LYPLA1: variants seen among roughly 807,000 people sequenced by gnomAD.
LYPLA1 encodes lysophospholipase 1.
LYPLA1 carries 17 observed loss-of-function variants against 34.0 expected under a neutral mutation model. The observed-to-expected ratio is 0.50, with a 90% CI of 0.34 to 0.75. The LOEUF is 0.75. LYPLA1 is among the 30% of genes least tolerant of loss of function. The pLI is 0.01. For synonymous variants in LYPLA1, 98 were observed against 100.8 expected (o/e 0.97, Z 0.17); for missense variants, 203 against 288.8 (o/e 0.70, Z 2.15).
chr8:54,082,294 C>G (rs1808381367), intron 2 of LYPLA1, among the ~76,000 whole-genome samples: 1 of 152,174 alleles, frequency 6.6e-6, no homozygotes, highest in Non-Finnish European at 1.5e-5. Flanking sequence ...CCACAACGCA[C>G]ACGCACATAC....
intron 8 of LYPLA1, among the ~76,000 whole-genome samples, chr8:54,049,268 C>T (rs1410782904): frequency 6.6e-6 from 1 of 152,212 alleles, no homozygotes; most frequent in Non-Finnish European, 1.5e-5. Flanking sequence ...TCTCAAGCCT[C>T]CAGACCTATC....
chr8:54,077,975 G>C (rs914142824), intron 2 of LYPLA1, among the ~76,000 whole-genome samples: 1 of 152,072 alleles, frequency 6.6e-6, no homozygotes, highest in South Asian at 2.1e-4. Context: ...TTTTGAGACA[G>C]AGTCTTACTC....
rs1212877615 is a variant in LYPLA1 at position 54,062,288 on chromosome 8, C to T, written c.252G>A (p.Glu84=). 1 of 1,607,040 alleles carries T rather than the reference C, an allele frequency of 6.2e-7. No homozygotes were observed. The highest frequency in any genetic ancestry group is 1.1e-5 in the South Asian group (1 of 89,856). The change falls in exon 5 of 9, where the codon GAG becomes GAA. Residue 84 remains glutamate, a synonymous_variant. Coordinates refer to ENST00000316963, the MANE Select transcript of LYPLA1 (RefSeq NM_006330.4). ...DIIGLSPDSQ[E]DESGIKQAAE... ...CTGCCTGTTTAATCCCAGATTCATC[C>T]TCCTGTGAATCTGGTGAAAGCCCAA...
intron 5 of LYPLA1, 122 bp downstream of exon 5, chr8:54,062,132 A>T: frequency 1.5e-6 from 1 of 652,284 alleles, no homozygotes; most frequent in Non-Finnish European, 2.6e-6. Flanking sequence ...TACTGGGATT[A>T]CAGGCGTGAG....
downstream of LYPLA1, chr8:54,045,738 A>G (rs186702626): frequency 6.6e-6 from 1 of 152,356 alleles, no homozygotes; most frequent in Admixed American, 6.5e-5. Flanking sequence ...GACTTATGAC[A>G]CTAATTTAAA....
At chr8:54,062,489 CTATT>C (rs200422693) in intron 4 of LYPLA1, among the ~76,000 whole-genome samples, 165 bp from the exon 5 acceptor site, 1,727 of 148,992 alleles carry the variant, frequency 0.012, 13 homozygotes, top group African/African-American at 0.027. Flanking sequence ...CGAAGTCTCA[CTATT>C]TATTTATTTA....
intron 2 of LYPLA1, among the ~76,000 whole-genome samples, chr8:54,071,957 G>A (rs949115315): frequency 6.6e-6 from 1 of 152,138 alleles, no homozygotes; most frequent in African/African-American, 2.4e-5. Context: ...AACAAAGCTG[G>A]AGGCATCATG....
At chr8:54,043,865 A>G (rs1191295708), downstream of LYPLA1, among the ~76,000 whole-genome samples, 3 of 151,864 alleles carry the variant, frequency 2.0e-5, no homozygotes, top group East Asian at 5.8e-4. Flanking sequence ...CCGGCCTCAA[A>G]TCTGCATTTT....
At chr8:54,065,435 G>A (rs1016404414) in intron 3 of LYPLA1, among the ~76,000 whole-genome samples, 3 of 149,734 alleles carry the variant, frequency 2.0e-5, no homozygotes, top group Non-Finnish European at 4.4e-5. Context: ...TCCAGCCTGG[G>A]TGGCAGAGTG....
At chr8:54,073,479 T>C in intron 2 of LYPLA1, 3 of 758,704 alleles carry the variant, frequency 4.0e-6, no homozygotes, top group Non-Finnish European at 7.4e-6. Flanking sequence ...GTATGGCATC[T>C]CATAGCTTCC....
chr8:54,101,853 A>C lies in LYPLA1; in HGVS notation c.-30T>G, dbSNP rs1175194133. The C allele has an allele frequency of 8.1e-6, 10 of 1,230,054 alleles. No individual in the cohort carries two copies. Among genetic ancestry groups the C allele is most frequent in the Non-Finnish European group, 8.2e-6 (8 of 973,922 alleles). The allele number at this position is 1,230,054 out of a possible 1,614,324, so 76.2% of individuals were successfully genotyped here. A position where few individuals can be genotyped will look rare whatever the true frequency, so the allele number is the denominator to read the frequency against. On this transcript the variant is annotated 5_prime_UTR_variant, in exon 1 of 9. Coordinates refer to ENST00000316963, the MANE Select transcript of LYPLA1 (RefSeq NM_006330.4). ...CGCCTCAGCTCACAGCGCAAGCGGAAGGAAGAGCGGGCGCCCGGCCGCGGC... is the reference window on the plus strand; with the variant it reads ...CGCCTCAGCTCACAGCGCAAGCGGACGGAAGAGCGGGCGCCCGGCCGCGGC...
At chr8:54,055,154 A>G (rs1279624222) in intron 5 of LYPLA1, 21 bp from the exon 6 acceptor site, 1 of 1,424,580 alleles carries the variant, frequency 7.0e-7, no homozygotes, top group East Asian at 2.3e-5. Flanking sequence ...CATGAAAGTT[A>G]GTCAGCAATA....
rs963983773 is a variant in LYPLA1, at chr8:54,091,621, G to A, written c.101+9287C>T. On this transcript the variant is annotated intron_variant, in intron 2 of 8. Coordinates refer to ENST00000316963, the MANE Select transcript of LYPLA1 (RefSeq NM_006330.4). ...GGAAGGAAGGAAGGAAGGAAGGAAG[G>A]AAGGAGAAATACTAAGAACCCTTAT... is the stretch of plus-strand genomic sequence containing the variant. Among the ~76,000 whole-genome samples, 11 of 149,416 alleles carry A rather than the reference G, an allele frequency of 7.4e-5. No homozygotes were observed. In the South Asian group the frequency reaches 2.4e-3, roughly 32 times the overall value.
At chr8:54,067,827 G>T (rs1807182725) in intron 2 of LYPLA1, among the ~76,000 whole-genome samples, 1 of 151,226 alleles carries the variant, frequency 6.6e-6, no homozygotes, top group South Asian at 2.1e-4. Flanking sequence ...TCCCGAGTAG[G>T]CGCCCGCCAC....
rs1281504711 is a variant in LYPLA1 at position 54,101,573 on chromosome 8, AC to A, written c.69+181del. 1.4e-5 allele frequency: 16 copies of A among 1,150,412 alleles called. No homozygotes were observed. The East Asian group carries it at 3.3e-4, about 24-fold the overall frequency. The allele number at this position is 1,150,412 out of a possible 1,614,324, so 71.3% of individuals were successfully genotyped here. ...GGGACTGGCCCTCGCGCCGGCTGTG[AC>A]CCCCCGGCTGCCCCCGCCCCCCGCG... On this transcript the variant is annotated intron_variant, in intron 1 of 8. Transcript: ENST00000316963.
At chr8:54,072,306 C>G (rs778571839) in intron 2 of LYPLA1, among the ~76,000 whole-genome samples, 2 of 152,026 alleles carry the variant, frequency 1.3e-5, no homozygotes, top group Non-Finnish European at 2.9e-5. Context: ...TAGGAAATAC[C>G]ATTTTAGACA....
intron 2 of LYPLA1, among the ~76,000 whole-genome samples, chr8:54,096,338 G>A (rs1809678857): frequency 6.6e-6 from 1 of 152,216 alleles, no homozygotes; most frequent in Admixed American, 6.5e-5. Context: ...AGTGGTTCAT[G>A]CCTGTAATTC....
chr8:54,078,907 T>A (rs1299314339), intron 2 of LYPLA1, among the ~76,000 whole-genome samples: 1 of 152,080 alleles, frequency 6.6e-6, no homozygotes, highest in Non-Finnish European at 1.5e-5. Flanking sequence ...GCTTTTTATG[T>A]TTAACACTTT....
chr8:54,046,475 T>C lies in LYPLA1; in HGVS notation c.*1590A>G, dbSNP rs868653963. The C allele has an allele frequency of 2.0e-5, 3 of 152,652 alleles. No homozygotes were observed. The highest frequency in any genetic ancestry group is 6.5e-5 in the Admixed American group (1 of 15,284). 9.5% of individuals were successfully genotyped at this position (152,652 alleles called of 1,614,324 possible). On this transcript the variant is annotated 3_prime_UTR_variant, in exon 9 of 9. Transcript: ENST00000316963. ...TATTTCAATGGAATATTTCTTGCCA[T>C]AAATAATATCTTGCTGATTTGTAGA...
Sources: allele counts gnomAD v4.1 joint callset (sites outside exome capture counted in the v4.1 genomes callset), GRCh38; gene constraint gnomAD v4.1.1; transcripts MANE v1.5; gene names NCBI Gene and HGNC (gene_info 2026-07-23, HGNC 2026-07-21).